The following ETV6 variants were observed in gnomAD, a reference collection of about 807,000 sequenced individuals.
ETV6 encodes the protein ETS variant transcription factor 6, also known as transcription factor ETV6.
ETV6 carries 16 observed loss-of-function variants against 51.1 expected under a neutral mutation model. That is an observed-to-expected ratio of 0.31 (90% CI 0.21 to 0.48). The LOEUF (loss-of-function observed/expected upper bound fraction) is 0.48, where lower values mean the gene tolerates loss of function less well. Among genes scored for constraint, ETV6 ranks in the 20% least tolerant of loss-of-function variants. ETV6 has a pLI of 0.99. For missense variants in ETV6, 458 were observed against 594.8 expected (o/e 0.77, Z 2.39); for synonymous variants, 240 against 224.1 (o/e 1.07, Z -0.64).
chr12:11,650,437 G>A (rs1301610853), intron 1 of ETV6, among the ~76,000 whole-genome samples: 1 of 109,700 alleles, frequency 9.1e-6, no homozygotes, highest in East Asian at 3.3e-4. Context: ...AGAGCAACCC[G>A]GATTGTCTCC....
intron 4 of ETV6, among the ~76,000 whole-genome samples, chr12:11,864,280 G>C (rs1301226742): frequency 2.0e-5 from 3 of 152,100 alleles, no homozygotes; most frequent in African/African-American, 4.8e-5. Flanking sequence ...TTGAAGCCCA[G>C]GACATCAAAG....
chr12:11,742,514 A>C (rs941613593), intron 1 of ETV6, among the ~76,000 whole-genome samples: 5 of 152,208 alleles, frequency 3.3e-5, no homozygotes, highest in African/African-American at 9.6e-5. Context: ...ACTCCTAATC[A>C]GTATATAAGA....
intron 7 of ETV6, 75 bp downstream of exon 7, chr12:11,886,101 A>G (rs1947178910): frequency 2.8e-6 from 3 of 1,060,220 alleles, no homozygotes; most frequent in Admixed American, 3.5e-5. Context: ...GTGGGGGGAG[A>G]CTGTTAAGAT....
At chr12:11,825,522 C>A in intron 2 of ETV6, 1 of 152,382 alleles carries the variant, frequency 6.6e-6, no homozygotes. Context: ...TCCTCTGCGT[C>A]TCTCCTCTGT....
chr12:11,795,756 G>C (rs1361466866), intron 2 of ETV6, among the ~76,000 whole-genome samples: 1 of 152,210 alleles, frequency 6.6e-6, no homozygotes, highest in Admixed American at 6.5e-5. Context: ...TTCCGGCTCT[G>C]CTACTTCCTA....
chr12:11,682,131 T>G (rs1403740609), intron 1 of ETV6, among the ~76,000 whole-genome samples: 1 of 152,210 alleles, frequency 6.6e-6, no homozygotes, highest in Non-Finnish European at 1.5e-5. Context: ...TCTAGATCCT[T>G]GAGGAATCGC....
intron 1 of ETV6, among the ~76,000 whole-genome samples, chr12:11,724,435 C>T (rs1214751246): frequency 2.6e-5 from 4 of 152,170 alleles, no homozygotes; most frequent in East Asian, 1.9e-4. Context: ...AATCTGTATG[C>T]GGTGTGATTT....
At chr12:11,887,740 C>A (rs568002512) in intron 7 of ETV6, among the ~76,000 whole-genome samples, 6 of 146,644 alleles carry the variant, frequency 4.1e-5, no homozygotes, top group African/African-American at 1.6e-4. Context: ...GAGCGAGACT[C>A]CATCTCAAGA....
At chr12:11,854,554 T>A (rs1388768958) in intron 4 of ETV6, among the ~76,000 whole-genome samples, 1 of 152,208 alleles carries the variant, frequency 6.6e-6, no homozygotes, top group Non-Finnish European at 1.5e-5. Context: ...CTCCCACTCT[T>A]TTATTACAGA....
intron 2 of ETV6, among the ~76,000 whole-genome samples, chr12:11,838,902 G>C (rs1946351475): frequency 6.6e-6 from 1 of 152,232 alleles, no homozygotes; most frequent in Non-Finnish European, 1.5e-5. Flanking sequence ...CCCCAGAGTA[G>C]GGTTTGGTGT....
intron 1 of ETV6, among the ~76,000 whole-genome samples, chr12:11,682,842 C>CA (rs1461278623): frequency 6.6e-6 from 1 of 152,148 alleles, no homozygotes; most frequent in Admixed American, 6.5e-5. Context: ...ATCCTTTCCC[C>CA]ATTGCTTGTT....
At chr12:11,725,261 T>G (rs1865467888) in intron 1 of ETV6, among the ~76,000 whole-genome samples, 1 of 152,086 alleles carries the variant, frequency 6.6e-6, no homozygotes, top group Non-Finnish European at 1.5e-5. Context: ...TTCCAAATTT[T>G]AGTTGTAAGA....
At chr12:11,759,935 A>G (rs368186226) in intron 2 of ETV6, among the ~76,000 whole-genome samples, 7 of 152,284 alleles carry the variant, frequency 4.6e-5, no homozygotes, top group South Asian at 2.1e-4. Context: ...TAGTAATTCA[A>G]ACTTTTGGGG....
At chr12:11,847,800 C>T (rs1228366732) in intron 3 of ETV6, among the ~76,000 whole-genome samples, 1 of 152,098 alleles carries the variant, frequency 6.6e-6, no homozygotes, top group Non-Finnish European at 1.5e-5. Context: ...AGGAGAGAAA[C>T]AGGAGCAGTT....
chr12:11,800,596 T>C (rs1414018671), intron 2 of ETV6, among the ~76,000 whole-genome samples: 1 of 152,178 alleles, frequency 6.6e-6, no homozygotes, highest in African/African-American at 2.4e-5. Flanking sequence ...AGTTCAACTT[T>C]TAGATTCCAC....
chr12:11,752,587 T>C lies in ETV6; in HGVS notation c.163+8T>C, dbSNP rs373864725. On this transcript the variant is annotated splice_region_variant and intron_variant, in intron 2 of 7. Transcript: ENST00000396373. The stretch of plus-strand genomic sequence containing the variant: ...GCCTGCCTGCGCACCTGCGTGAGTG[T>C]TCGTGACCCGAGAGGGACAGAGGAT... 7 of 1,609,558 alleles carry C rather than the reference T, an allele frequency of 4.3e-6. No homozygotes were observed. Among genetic ancestry groups the C allele is most frequent in the Non-Finnish European group, 5.1e-6 (6 of 1,178,758 alleles).
At chr12:11,795,182 G>A (rs1384172032) in intron 2 of ETV6, among the ~76,000 whole-genome samples, 1 of 152,190 alleles carries the variant, frequency 6.6e-6, no homozygotes, top group Non-Finnish European at 1.5e-5. Context: ...TTGGACCTCA[G>A]CATATAATAT....
At chr12:11,738,560 G>C (rs1363717077) in intron 1 of ETV6, among the ~76,000 whole-genome samples, 1 of 151,762 alleles carries the variant, frequency 6.6e-6, no homozygotes, top group Non-Finnish European at 1.5e-5. Flanking sequence ...TCCTGCCTCT[G>C]CCTCCCAAAG....
intron 1 of ETV6, among the ~76,000 whole-genome samples, chr12:11,686,173 A>G (rs182278545): frequency 2.9e-4 from 44 of 152,346 alleles, no homozygotes; most frequent in African/African-American, 9.1e-4. Flanking sequence ...TTTGCAATTT[A>G]TGAAATAATT....
Sources: allele counts gnomAD v4.1 joint callset (sites outside exome capture counted in the v4.1 genomes callset), GRCh38; gene constraint gnomAD v4.1.1; transcripts MANE v1.5; gene names NCBI Gene and HGNC (gene_info 2026-07-23, HGNC 2026-07-21).